Variants in VSNL1 observed in about 807,000 individuals in gnomAD.
The protein encoded by VSNL1 is visinin-like protein 1.
Under a neutral mutation model 20.4 loss-of-function variants are expected in VSNL1, and 6 were observed. That is an observed-to-expected ratio of 0.29 (90% CI 0.16 to 0.58). The LOEUF is 0.58. Ranked by LOEUF, VSNL1 falls within the 20% of genes least tolerant of loss-of-function variation. The pLI, the probability that VSNL1 is intolerant of heterozygous loss-of-function variation, is 0.90. For missense variants in VSNL1, 100 were observed against 234.5 expected (o/e 0.43, Z 3.75); for synonymous variants, 93 against 86.4 (o/e 1.08, Z -0.42).
intron 2 of VSNL1, among the ~76,000 whole-genome samples, chr2:17,623,531 G>T (rs1227410837): frequency 6.6e-6 from 1 of 152,032 alleles, no homozygotes; most frequent in African/African-American, 2.4e-5. Flanking sequence ...TTAGCAGGGA[G>T]TGGTGGCAGG....
At chr2:17,560,695 T>G (rs1203620963) in intron 1 of VSNL1, among the ~76,000 whole-genome samples, 1 of 152,122 alleles carries the variant, frequency 6.6e-6, no homozygotes, top group Admixed American at 6.5e-5. Context: ...CTAGATATAG[T>G]GGGAAATAAG....
chr2:17,590,376 G>C (rs947718050), intron 1 of VSNL1, among the ~76,000 whole-genome samples: 1 of 152,134 alleles, frequency 6.6e-6, no homozygotes, highest in Non-Finnish European at 1.5e-5. Context: ...GTACCCACTT[G>C]ATTTCCACAC....
At chr2:17,636,569 G>C (rs533035621) in intron 2 of VSNL1, among the ~76,000 whole-genome samples, 17 of 152,318 alleles carry the variant, frequency 1.1e-4, no homozygotes, top group African/African-American at 4.1e-4. Context: ...GAGATGTGCT[G>C]TGAGTAATGA....
At chr2:17,541,489 T>C (rs1301548375) in intron 1 of VSNL1, 1 of 152,074 alleles carries the variant, frequency 6.6e-6, no homozygotes, top group Admixed American at 6.5e-5. Flanking sequence ...GAGTAGATAA[T>C]TTTTTTCGTC....
chr2:17,585,382 T>TAAAA (rs35397738), intron 1 of VSNL1, among the ~76,000 whole-genome samples: 1 of 141,838 alleles, frequency 7.1e-6, no homozygotes, highest in Non-Finnish European at 1.5e-5. Flanking sequence ...GCCTTCATTA[T>TAAAA]AAAAAAAAAA....
chr2:17,605,951 G>T (rs541360696), intron 2 of VSNL1, among the ~76,000 whole-genome samples: 1 of 152,212 alleles, frequency 6.6e-6, no homozygotes, highest in Non-Finnish European at 1.5e-5. Flanking sequence ...CTCAGTGTGC[G>T]TCAGGCATTG....
At chr2:17,593,235 C>T (rs114113464) in intron 2 of VSNL1, among the ~76,000 whole-genome samples, 4 of 152,234 alleles carry the variant, frequency 2.6e-5, no homozygotes, top group Admixed American at 6.5e-5. Context: ...TGTAAGAATA[C>T]TCATAGCTGC....
intron 3 of VSNL1, among the ~76,000 whole-genome samples, chr2:17,654,504 G>C (rs1215622164): frequency 6.6e-6 from 1 of 152,058 alleles, no homozygotes; most frequent in African/African-American, 2.4e-5. Context: ...CCTAGATGCA[G>C]AATGTTTAAA....
chr2:17,648,133 G>A (rs1030866376), intron 2 of VSNL1, among the ~76,000 whole-genome samples: 10 of 152,146 alleles, frequency 6.6e-5, no homozygotes. Context: ...GCCTAGCAAT[G>A]GGTACTACCA....
rs371426669 is a variant in VSNL1 at position 17,586,401 on chromosome 2, CA to C, written c.-5-5668del. On this transcript the variant is annotated intron_variant, in intron 1 of 3. Coordinates refer to ENST00000295156, the MANE Select transcript of VSNL1 (RefSeq NM_003385.5). ...AAGAACCAAGGGTGATTCTTGTATTCAGACAAGTTTAGGAAAGACTGCTTAA... is the reference window on the plus strand; with the variant it reads ...AAGAACCAAGGGTGATTCTTGTATTCGACAAGTTTAGGAAAGACTGCTTAA... Among the ~76,000 whole-genome samples the C allele has an allele frequency of 3.1e-3, 478 of 152,288 alleles. 2 individuals are homozygous for C. The highest frequency in any genetic ancestry group is 0.011 in the African/African-American group (458 of 41,562).
At chr2:17,554,421 A>G (rs1663624620) in intron 1 of VSNL1, among the ~76,000 whole-genome samples, 1 of 152,208 alleles carries the variant, frequency 6.6e-6, no homozygotes, top group Non-Finnish European at 1.5e-5. Context: ...TATCATGGTG[A>G]CTGAGATCAC....
intron 1 of VSNL1, among the ~76,000 whole-genome samples, chr2:17,577,221 A>G (rs940513724): frequency 6.6e-6 from 1 of 152,242 alleles, no homozygotes; most frequent in Non-Finnish European, 1.5e-5. Context: ...TCTGAGGCAC[A>G]TGACATTATA....
At chr2:17,558,713 TG>T (rs1663743816) in intron 1 of VSNL1, among the ~76,000 whole-genome samples, 1 of 152,184 alleles carries the variant, frequency 6.6e-6, no homozygotes, top group Admixed American at 6.5e-5. Flanking sequence ...GTCATTATTA[TG>T]ATCATTATTT....
intron 1 of VSNL1, among the ~76,000 whole-genome samples, chr2:17,546,568 A>G (rs1212606944): frequency 6.6e-6 from 1 of 152,002 alleles, no homozygotes. Context: ...CTGGTGTTAC[A>G]GGAGACTAGT....
At chr2:17,578,669 C>T (rs772889945) in intron 1 of VSNL1, among the ~76,000 whole-genome samples, 8 of 152,236 alleles carry the variant, frequency 5.3e-5, no homozygotes, top group Non-Finnish European at 1.2e-4. Context: ...GGCCATACAA[C>T]TTGCCAAGTC....
At chr2:17,578,990 T>C (rs1319107355) in intron 1 of VSNL1, among the ~76,000 whole-genome samples, 1 of 152,268 alleles carries the variant, frequency 6.6e-6, no homozygotes, top group Non-Finnish European at 1.5e-5. Flanking sequence ...CTCCAGCTTC[T>C]TTTTTGTGAA....
chr2:17,580,441 G>A (rs988544070), intron 1 of VSNL1, among the ~76,000 whole-genome samples: 2 of 152,088 alleles, frequency 1.3e-5, no homozygotes, highest in Non-Finnish European at 2.9e-5. Context: ...TCCTCAGGAA[G>A]TTTTCCAAGC....
At chr2:17,552,513 C>T (rs1241808962) in intron 1 of VSNL1, among the ~76,000 whole-genome samples, 4 of 151,944 alleles carry the variant, frequency 2.6e-5, no homozygotes, top group African/African-American at 9.7e-5. Context: ...ATAATAAGCC[C>T]CCATGTACCC....
At chr2:17,621,257 CTTTT>C (rs1290923556) in intron 2 of VSNL1, among the ~76,000 whole-genome samples, 2 of 150,048 alleles carry the variant, frequency 1.3e-5, no homozygotes, top group Non-Finnish European at 3.0e-5. Flanking sequence ...TTCTTTCTTT[CTTTT>C]CTTTCTTTCT....
Sources: allele counts gnomAD v4.1 joint callset (sites outside exome capture counted in the v4.1 genomes callset), GRCh38; gene constraint gnomAD v4.1.1; transcripts MANE v1.5; gene names NCBI Gene and HGNC (gene_info 2026-07-23, HGNC 2026-07-21).